TLL2: variants seen among roughly 807,000 people sequenced by gnomAD.
TLL2 encodes the protein tolloid like 2.
A neutral mutation model predicts 123.0 loss-of-function variants in TLL2; 106 were observed. The ratio of observed to expected loss-of-function variants is 0.86; its 90% CI spans 0.74 to 1.01. TLL2 has a LOEUF of 1.01. Ranked by LOEUF, TLL2 falls within the 50% of genes least tolerant of loss-of-function variation. TLL2 has a pLI of 0.00. For synonymous variants in TLL2, 494 were observed against 516.8 expected (o/e 0.96, Z 0.60); for missense variants, 1,332 against 1,336.7 (o/e 1.00, Z 0.06).
At chr10:96,504,377 A>G (rs1977294) in intron 1 of TLL2, among the ~76,000 whole-genome samples, 48,509 of 151,996 alleles carry the variant, frequency 0.32, 8,034 homozygotes, top group Middle Eastern at 0.54. Context: ...TGGGTGGCTG[A>G]GGTGGGCAGA....
At chr10:96,391,939 C>A (rs538584563) in intron 13 of TLL2, among the ~76,000 whole-genome samples, 24 of 152,312 alleles carry the variant, frequency 1.6e-4, no homozygotes, top group African/African-American at 5.5e-4. Context: ...AAATGCCCTC[C>A]AAGTAGGACA....
chr10:96,432,385 T>C (rs1846752531), intron 4 of TLL2, among the ~76,000 whole-genome samples: 2 of 152,130 alleles, frequency 1.3e-5, no homozygotes, highest in Admixed American at 6.5e-5. Context: ...CTTTGGTCAC[T>C]GAGTGGAACA....
chr10:96,393,475 G>A (rs1010754013), intron 13 of TLL2, among the ~76,000 whole-genome samples: 2 of 152,242 alleles, frequency 1.3e-5, no homozygotes, highest in African/African-American at 4.8e-5. Context: ...TAGAGAGACT[G>A]GAGCTTGTGC....
chr10:96,453,782 T>TA (rs916627752), intron 2 of TLL2, among the ~76,000 whole-genome samples: 57 of 152,130 alleles, frequency 3.7e-4, no homozygotes, highest in Admixed American at 9.8e-4. Flanking sequence ...ATCTTTTCTT[T>TA]AAAAAAATAG....
intron 8 of TLL2, among the ~76,000 whole-genome samples, chr10:96,411,272 A>AGTGG (rs2134070534): frequency 2.0e-5 from 1 of 50,954 alleles, no homozygotes; most frequent in South Asian, 8.4e-4. Flanking sequence ...AAAAAAAAAA[A>AGTGG]AAAAAAAAAA....
chr10:96,481,351 G>A lies in TLL2; in HGVS notation c.176-892C>T, dbSNP rs56768208. ...TTTTGTACAGACAGGGTCTCGCTAT[G>A]TTGTGCAGTCTCAAATAATTCTCCT... On this transcript the variant is annotated intron_variant, in intron 1 of 20. Transcript: ENST00000357947. 4.3e-3 allele frequency among the ~76,000 whole-genome samples: 657 copies of A among 152,230 alleles called. 3 individuals carry two copies. The highest frequency in any genetic ancestry group is 0.017 in the Middle Eastern group (5 of 294).
At chr10:96,405,648 C>T (rs1236745558) in intron 9 of TLL2, among the ~76,000 whole-genome samples, 5 of 152,094 alleles carry the variant, frequency 3.3e-5, no homozygotes, top group South Asian at 2.1e-4. Flanking sequence ...CGCATGGAGA[C>T]GGAGGATTTG....
chr10:96,445,957 G>T, intron 3 of TLL2, 134 bp downstream of exon 3: 1 of 895,384 alleles, frequency 1.1e-6, no homozygotes, highest in Non-Finnish European at 1.8e-6. Flanking sequence ...TAGGGGTAAT[G>T]GTTACATAGC....
intron 4 of TLL2, among the ~76,000 whole-genome samples, chr10:96,432,184 C>T (rs1435533213): frequency 3.3e-5 from 5 of 152,112 alleles, no homozygotes; most frequent in South Asian, 4.2e-4. Context: ...GTGCCAGGCA[C>T]CACTCTAAGC....
chr10:96,467,259 G>C (rs990191294), intron 2 of TLL2, among the ~76,000 whole-genome samples: 1 of 152,028 alleles, frequency 6.6e-6, no homozygotes, highest in Non-Finnish European at 1.5e-5. Flanking sequence ...GTGGCTCACC[G>C]CAGCCTGGAA....
At chr10:96,508,292 G>C (rs1225775747) in intron 1 of TLL2, among the ~76,000 whole-genome samples, 1 of 152,218 alleles carries the variant, frequency 6.6e-6, no homozygotes, top group African/African-American at 2.4e-5. Flanking sequence ...TAGGCTGACA[G>C]TAACATGAGG....
At chr10:96,407,372 G>A (rs1846461103) in intron 9 of TLL2, among the ~76,000 whole-genome samples, 1 of 152,094 alleles carries the variant, frequency 6.6e-6, no homozygotes. Flanking sequence ...TAGAGCCGGT[G>A]TCTTTAGATC....
intron 20 of TLL2, among the ~76,000 whole-genome samples, chr10:96,368,602 G>A (rs181231664): frequency 2.1e-4 from 32 of 152,240 alleles, no homozygotes; most frequent in Admixed American, 1.9e-3. Flanking sequence ...GCAGGTAGGC[G>A]GGACCCAAGC....
At chr10:96,466,224 A>T (rs1260830905) in intron 2 of TLL2, among the ~76,000 whole-genome samples, 1 of 152,248 alleles carries the variant, frequency 6.6e-6, no homozygotes, top group Admixed American at 6.5e-5. Context: ...CTCAGTGCCA[A>T]GGCCAGCTGG....
chr10:96,415,935 A>G (rs1846556689), intron 7 of TLL2, among the ~76,000 whole-genome samples: 1 of 150,106 alleles, frequency 6.7e-6, no homozygotes, highest in African/African-American at 2.5e-5. Context: ...AGCCTGTGGG[A>G]GTATAGATCA....
At chr10:96,405,375 C>G in intron 9 of TLL2, 41 bp from the exon 10 acceptor site, 1 of 1,598,606 alleles carries the variant, frequency 6.3e-7, no homozygotes, top group African/African-American at 1.3e-5. Context: ...GCAGCAAAGC[C>G]TGAGGAGTTT....
At chr10:96,458,599 A>G (rs1390229730) in intron 2 of TLL2, among the ~76,000 whole-genome samples, 3 of 99,742 alleles carry the variant, frequency 3.0e-5, no homozygotes, top group South Asian at 8.1e-4. Flanking sequence ...AAAAAAAAAA[A>G]AAAAAAAAAA....
At chr10:96,486,976 T>C (rs1259369862) in intron 1 of TLL2, among the ~76,000 whole-genome samples, 1 of 152,238 alleles carries the variant, frequency 6.6e-6, no homozygotes, top group Non-Finnish European at 1.5e-5. Flanking sequence ...CTGATTCCCT[T>C]GCAGGGAAAT....
chr10:96,452,416 CT>C (rs1846969879), intron 2 of TLL2, among the ~76,000 whole-genome samples: 1 of 152,202 alleles, frequency 6.6e-6, no homozygotes, highest in Non-Finnish European at 1.5e-5. Flanking sequence ...AAGATAGGAA[CT>C]GTCACCTGCG....
Sources: gnomAD v4.1 joint callset for allele counts (sites outside exome capture counted in the v4.1 genomes callset) on GRCh38, gnomAD v4.1.1 for gene constraint, MANE v1.5 for transcripts, NCBI Gene and HGNC (gene_info 2026-07-23, HGNC 2026-07-21) for gene names.